The following NBEA variants were observed in gnomAD, a reference collection of about 807,000 sequenced individuals.
NBEA encodes neurobeachin, also known as lysosomal-trafficking regulator 2.
A neutral mutation model predicts 343.4 loss-of-function variants in NBEA; 44 were observed. The ratio of observed to expected loss-of-function variants is 0.13; its 90% CI spans 0.10 to 0.16. The LOEUF (loss-of-function observed/expected upper bound fraction) is 0.16, where lower values mean the gene tolerates loss of function less well. NBEA is among the 10% of genes least tolerant of loss of function. NBEA has a pLI of 1.00. For missense variants in NBEA, 2,555 were observed against 3,631.3 expected (o/e 0.70, Z 7.62); for synonymous variants, 1,175 against 1,238.7 (o/e 0.95, Z 1.08).
chr13:35,219,944 C>A lies in NBEA; in HGVS notation c.5648+8765C>A, dbSNP rs2074271991. Among the ~76,000 whole-genome samples the A allele has an allele frequency of 2.6e-5, 4 of 152,112 alleles. No individual in the cohort carries two copies. In the South Asian group the frequency reaches 6.2e-4, roughly 24 times the overall value. On this transcript the variant is annotated intron_variant, in intron 33 of 58. Coordinates refer to ENST00000379939, the MANE Select transcript of NBEA (RefSeq NM_001385012.1). ...ATCAATAGATACCCTCACAGTCATA[C>A]CCAGAGTGCTGTTTAATCAAATATC... is the stretch of plus-strand genomic sequence containing the variant.
At chr13:35,099,248 G>C (rs1262897593) in intron 11 of NBEA, among the ~76,000 whole-genome samples, 2 of 147,084 alleles carry the variant, frequency 1.4e-5, no homozygotes, top group Middle Eastern at 3.3e-3. Context: ...ACCCAGGCTG[G>C]AGTGCACTGG....
chr13:35,550,796 T>C (rs2079282341), intron 42 of NBEA, 134 bp from the exon 43 acceptor site: 8 of 661,222 alleles, frequency 1.2e-5, no homozygotes, highest in Non-Finnish European at 2.1e-5. Context: ...AAAGTTATAC[T>C]GAAAGCTGAT....
Position 35,188,652 on chromosome 13 carries a change from C to T in NBEA, c.4927+4581C>T, listed in dbSNP as rs189046331. Among the ~76,000 whole-genome samples, 454 of 152,060 alleles carry T rather than the reference C, an allele frequency of 3.0e-3. 2 individuals carry two copies. Among genetic ancestry groups the T allele is most frequent in the African/African-American group, 0.011 (437 of 41,500 alleles). ...TCTCTTCGTCAATAGACACTTGATT[C>T]CATATTTTGACTATTGTGAATAATG... On this transcript the variant is annotated intron_variant, in intron 30 of 58. Coordinates refer to ENST00000379939, the MANE Select transcript of NBEA (RefSeq NM_001385012.1).
At chr13:35,239,404 A>T (rs1361157911) in intron 34 of NBEA, among the ~76,000 whole-genome samples, 1 of 152,158 alleles carries the variant, frequency 6.6e-6, no homozygotes, top group Non-Finnish European at 1.5e-5. Flanking sequence ...ATGACTGCTT[A>T]TTCTGAAAAA....
chr13:35,556,182 A>G (rs2079563823), intron 44 of NBEA, among the ~76,000 whole-genome samples: 2 of 151,926 alleles, frequency 1.3e-5, no homozygotes, highest in Admixed American at 1.3e-4. Context: ...AAACCTGTTT[A>G]CTCCCTCAAA....
chr13:35,044,379 T>A (rs1566202104), intron 2 of NBEA, among the ~76,000 whole-genome samples: 2 of 152,052 alleles, frequency 1.3e-5, no homozygotes, highest in Non-Finnish European at 2.9e-5. Flanking sequence ...ATTTGTGAGG[T>A]TAGTATCTGT....
At chr13:35,331,767 T>G (rs2152848853) in intron 36 of NBEA, among the ~76,000 whole-genome samples, 1 of 152,160 alleles carries the variant, frequency 6.6e-6, no homozygotes, top group Admixed American at 6.6e-5. Context: ...CTCTTATCTG[T>G]TATTAAACAG....
At chr13:35,110,552 T>C (rs1346905899) in intron 12 of NBEA, among the ~76,000 whole-genome samples, 2 of 152,146 alleles carry the variant, frequency 1.3e-5, no homozygotes, top group Non-Finnish European at 2.9e-5. Flanking sequence ...CAATAAATTA[T>C]TAAATCATTT....
At chr13:35,083,735 C>A (rs1057011604) in intron 10 of NBEA, among the ~76,000 whole-genome samples, 3 of 152,096 alleles carry the variant, frequency 2.0e-5, no homozygotes, top group Admixed American at 6.6e-5. Flanking sequence ...ATCATAATGA[C>A]AGGATCAAAT....
chr13:35,311,233 G>A (rs2037343317), intron 36 of NBEA, among the ~76,000 whole-genome samples: 1 of 151,910 alleles, frequency 6.6e-6, no homozygotes, highest in Non-Finnish European at 1.5e-5. Context: ...AAAACTATTT[G>A]CTAAGGCTAA....
chr13:35,317,811 G>C (rs2152838117), intron 36 of NBEA, among the ~76,000 whole-genome samples: 1 of 152,210 alleles, frequency 6.6e-6, no homozygotes, highest in Non-Finnish European at 1.5e-5. Flanking sequence ...TCCTTGAAGA[G>C]GTCCTTCACA....
At chr13:35,127,938 C>A (rs2067212862) in intron 17 of NBEA, among the ~76,000 whole-genome samples, 1 of 151,696 alleles carries the variant, frequency 6.6e-6, no homozygotes, top group Non-Finnish European at 1.5e-5. Context: ...TATAAATCAG[C>A]TGTTGTAAGA....
chr13:35,134,216 T>C (rs2067591071), intron 17 of NBEA, among the ~76,000 whole-genome samples: 1 of 151,998 alleles, frequency 6.6e-6, no homozygotes, highest in African/African-American at 2.4e-5. Context: ...ATGGTAGAGA[T>C]GACATATCTC....
chr13:34,949,002 C>A (rs2152482044), intron 1 of NBEA, among the ~76,000 whole-genome samples: 1 of 152,116 alleles, frequency 6.6e-6, no homozygotes, highest in African/African-American at 2.4e-5. Flanking sequence ...AGTTTTTACC[C>A]CGTGCTAAAG....
At chr13:35,259,798 G>A (rs1369622133) in intron 34 of NBEA, among the ~76,000 whole-genome samples, 1 of 152,000 alleles carries the variant, frequency 6.6e-6, no homozygotes, top group Non-Finnish European at 1.5e-5. Context: ...AATTTTTTAG[G>A]TATGTAAGTT....
chr13:35,262,855 T>A (rs2033326563), intron 34 of NBEA, among the ~76,000 whole-genome samples: 1 of 152,208 alleles, frequency 6.6e-6, no homozygotes, highest in Non-Finnish European at 1.5e-5. Flanking sequence ...ATTAGCAAGC[T>A]ATTCCATGTT....
intron 17 of NBEA, among the ~76,000 whole-genome samples, chr13:35,127,099 G>A (rs74051266): frequency 0.028 from 4,230 of 152,122 alleles, 87 homozygotes; most frequent in South Asian, 0.075. Context: ...GACCTAGAAT[G>A]GTTAGCATCA....
At chr13:35,290,820 A>G (rs546946714) in intron 35 of NBEA, among the ~76,000 whole-genome samples, 3 of 151,540 alleles carry the variant, frequency 2.0e-5, no homozygotes, top group African/African-American at 7.2e-5. Flanking sequence ...ATTTGAGATA[A>G]TGAAAAGTAA....
chr13:35,607,722 A>C (rs1165913351), intron 48 of NBEA, among the ~76,000 whole-genome samples: 1 of 152,074 alleles, frequency 6.6e-6, no homozygotes, highest in Non-Finnish European at 1.5e-5. Flanking sequence ...ATTGAAATAT[A>C]ATTCATATCC....
Sources: gnomAD v4.1 joint callset for allele counts (sites outside exome capture counted in the v4.1 genomes callset) on GRCh38, gnomAD v4.1.1 for gene constraint, MANE v1.5 for transcripts, NCBI Gene and HGNC (gene_info 2026-07-23, HGNC 2026-07-21) for gene names.